NFIA: variants seen among roughly 807,000 people sequenced by gnomAD.
NFIA encodes the protein nuclear factor 1 A-type.
In NFIA, 8 loss-of-function variants were observed where a neutral mutation model predicts 62.8. The observed-to-expected ratio is 0.13, with a 90% confidence interval of 0.07 to 0.23. NFIA has a LOEUF of 0.23. NFIA is among the 10% of genes least tolerant of loss of function. The pLI is 1.00. For synonymous variants in NFIA, 235 were observed against 238.1 expected (o/e 0.99, Z 0.12); for missense variants, 410 against 642.1 (o/e 0.64, Z 3.91).
Position 61,082,609 on chromosome 1 carries a change from T to G in NFIA, c.-183T>G. The G allele has an allele frequency of 6.7e-7, 1 of 1,495,584 alleles. No homozygotes were observed. Among genetic ancestry groups the G allele is most frequent in the Non-Finnish European group, 8.9e-7 (1 of 1,118,084 alleles). 92.6% of individuals were successfully genotyped at this position (1,495,584 alleles called of 1,614,324 possible). A position where few individuals can be genotyped will look rare whatever the true frequency, so the allele number is the denominator to read the frequency against. On this transcript the variant is annotated 5_prime_UTR_variant, in exon 1 of 11. Coordinates refer to ENST00000403491, the MANE Select transcript of NFIA (RefSeq NM_001134673.4). ...GCGGCAATAGCGCTGGCTGGCTGGCTGCAGTTGAGCCGACTTGGAAATGTG... is the reference window on the plus strand; with the variant it reads ...GCGGCAATAGCGCTGGCTGGCTGGCGGCAGTTGAGCCGACTTGGAAATGTG...
chr1:61,306,048 C>T (rs1281800512), intron 3 of NFIA, among the ~76,000 whole-genome samples: 2 of 151,262 alleles, frequency 1.3e-5, no homozygotes, highest in Non-Finnish European at 2.9e-5. Context: ...GACAGAGTTT[C>T]ACCGTGTTAG....
At chr1:61,264,492 A>G (rs1657012781) in intron 2 of NFIA, among the ~76,000 whole-genome samples, 1 of 151,848 alleles carries the variant, frequency 6.6e-6, no homozygotes, top group African/African-American at 2.4e-5. Flanking sequence ...AAAAAATACA[A>G]AAAAGAAAAA....
At chr1:61,291,835 T>C (rs967233527) in intron 3 of NFIA, among the ~76,000 whole-genome samples, 4 of 152,204 alleles carry the variant, frequency 2.6e-5, no homozygotes, top group African/African-American at 9.6e-5. Context: ...GTAAGTATGG[T>C]GACATAATGT....
intron 2 of NFIA, among the ~76,000 whole-genome samples, chr1:61,149,888 C>CGGCT (rs1185638923): frequency 6.6e-6 from 1 of 151,796 alleles, no homozygotes; most frequent in African/African-American, 2.4e-5. Flanking sequence ...GGCTATAAGC[C>CGGCT]CTTCAGTGTT....
rs78442750 is a variant in NFIA at position 61,403,077 on chromosome 1, G to A, written c.1076-1027G>A. Among the ~76,000 whole-genome samples, 422 of 152,264 alleles carry A rather than the reference G, an allele frequency of 2.8e-3. 2 individuals are homozygous for A. The highest frequency in any genetic ancestry group is 9.9e-3 in the African/African-American group (411 of 41,552). On this transcript the variant is annotated intron_variant, in intron 7 of 10. Transcript: ENST00000403491. ...GAAAGGTCTTATTTTCCAAAATGTG[G>A]ACATTCCTGTGATTTTCAGTTTAAA...
intron 7 of NFIA, among the ~76,000 whole-genome samples, chr1:61,400,809 T>G (rs1056210373): frequency 9.2e-5 from 14 of 152,322 alleles, no homozygotes; most frequent in South Asian, 8.3e-4. Context: ...ACTCTTTAAT[T>G]GATTTAACCC....
chr1:61,400,124 G>A lies in NFIA; in HGVS notation c.1076-3980G>A, dbSNP rs118077687. Among the ~76,000 whole-genome samples, 1,189 of 152,226 alleles carry A rather than the reference G, an allele frequency of 7.8e-3. 29 individuals carry two copies. Among genetic ancestry groups the A allele is most frequent in the Admixed American group, 0.038 (580 of 15,286 alleles). On this transcript the variant is annotated intron_variant, in intron 7 of 10. Coordinates refer to ENST00000403491, the MANE Select transcript of NFIA (RefSeq NM_001134673.4). ...AAACCAACCTGACTGACCTGCTTTC[G>A]TTTTTCAAAGTATCCAGTAATATGA...
At chr1:61,355,896 T>C (rs1477922536) in intron 5 of NFIA, among the ~76,000 whole-genome samples, 2 of 152,210 alleles carry the variant, frequency 1.3e-5, no homozygotes, top group African/African-American at 2.4e-5. Context: ...CCCTCTTTTG[T>C]CAACTTCTGA....
At chr1:61,098,546 T>A (rs561149772) in intron 2 of NFIA, among the ~76,000 whole-genome samples, 1 of 152,218 alleles carries the variant, frequency 6.6e-6, no homozygotes, top group Non-Finnish European at 1.5e-5. Context: ...ATGAAGTCTT[T>A]GTAACGATGC....
intron 2 of NFIA, among the ~76,000 whole-genome samples, chr1:61,177,807 C>G (rs1022977165): frequency 1.3e-5 from 2 of 152,122 alleles, no homozygotes; most frequent in Admixed American, 6.5e-5. Context: ...TAAACCAACT[C>G]TATTATTGGT....
intron 2 of NFIA, among the ~76,000 whole-genome samples, chr1:61,153,377 G>A (rs1158645427): frequency 6.6e-6 from 1 of 151,960 alleles, no homozygotes; most frequent in Non-Finnish European, 1.5e-5. Context: ...ATCTGATTCA[G>A]GTTAGCCGTT....
chr1:61,110,579 T>G (rs1325104946), intron 2 of NFIA, among the ~76,000 whole-genome samples: 2 of 152,060 alleles, frequency 1.3e-5, no homozygotes, highest in African/African-American at 4.8e-5. Flanking sequence ...CATCCTACAA[T>G]CTGTATATAT....
At chr1:61,137,888 AAATT>A (rs1647231438) in intron 2 of NFIA, among the ~76,000 whole-genome samples, 1 of 152,130 alleles carries the variant, frequency 6.6e-6, no homozygotes, top group South Asian at 2.1e-4. Context: ...TAGCATGTAA[AAATT>A]AAACACTGTC....
chr1:61,338,301 A>G (rs1277586201), intron 4 of NFIA, among the ~76,000 whole-genome samples: 1 of 152,232 alleles, frequency 6.6e-6, no homozygotes, highest in Admixed American at 6.5e-5. Flanking sequence ...CACAAAGCTC[A>G]GCTGCCGGGT....
chr1:61,180,698 G>C (rs2100560633), intron 2 of NFIA, among the ~76,000 whole-genome samples: 1 of 152,260 alleles, frequency 6.6e-6, no homozygotes, highest in Admixed American at 6.5e-5. Context: ...TGGTCTGATG[G>C]GGTCATGGTA....
intron 4 of NFIA, among the ~76,000 whole-genome samples, chr1:61,347,585 G>A (rs539985518): frequency 1.2e-4 from 18 of 152,270 alleles, no homozygotes; most frequent in African/African-American, 3.9e-4. Context: ...CTCAGCTTAA[G>A]TGCCCACTCT....
intron 2 of NFIA, among the ~76,000 whole-genome samples, chr1:61,248,431 C>T (rs1039510796): frequency 7.9e-5 from 12 of 152,028 alleles, no homozygotes; most frequent in African/African-American, 7.2e-5. Flanking sequence ...TCTGGAACCC[C>T]CAAACTTGAA....
chr1:61,358,379 C>CTTTCTTTTTTTTTTTTTTTTTTTTTTT (rs71582639), intron 5 of NFIA, among the ~76,000 whole-genome samples: 17 of 52,624 alleles, frequency 3.2e-4, no homozygotes, highest in Non-Finnish European at 4.1e-4. Flanking sequence ...TTCTTTCTTT[C>CTTTCTTTTTTTTTTTTTTTTTTTTTTT]TTTTTTTTTT....
At chr1:61,143,222 T>C (rs1247994076) in intron 2 of NFIA, among the ~76,000 whole-genome samples, 1 of 152,166 alleles carries the variant, frequency 6.6e-6, no homozygotes, top group Admixed American at 6.5e-5. Context: ...AGTGGCATGC[T>C]CAGTAAATAT....
Sources: allele counts gnomAD v4.1 joint callset (sites outside exome capture counted in the v4.1 genomes callset), GRCh38; gene constraint gnomAD v4.1.1; transcripts MANE v1.5; gene names NCBI Gene and HGNC (gene_info 2026-07-23, HGNC 2026-07-21).